The following PTPRG variants were observed in gnomAD, a reference collection of about 807,000 sequenced individuals.
PTPRG encodes the protein receptor-type tyrosine-protein phosphatase gamma.
PTPRG carries 102 observed loss-of-function variants against 165.3 expected under a neutral mutation model. That is an observed-to-expected ratio of 0.62 (90% CI 0.53 to 0.73). The LOEUF is 0.73. PTPRG is among the 30% of genes least tolerant of loss of function. The pLI, the probability that PTPRG is intolerant of heterozygous loss-of-function variation, is 0.00. For missense variants in PTPRG, 1,866 were observed against 1,861.4 expected, an observed-to-expected ratio of 1.00 and a Z score of -0.05; for synonymous variants, 675 against 669.5, an observed-to-expected ratio of 1.01 and a Z score of -0.13.
intron 1 of PTPRG, among the ~76,000 whole-genome samples, chr3:61,598,757 A>G (rs1393759808): frequency 6.6e-6 from 1 of 152,082 alleles, no homozygotes; most frequent in Non-Finnish European, 1.5e-5. Context: ...GTGTAGGCAG[A>G]GTTGGTTCCT....
intron 2 of PTPRG, among the ~76,000 whole-genome samples, chr3:61,816,672 A>G (rs1456132001): frequency 6.6e-6 from 1 of 152,038 alleles, no homozygotes; most frequent in Non-Finnish European, 1.5e-5. Context: ...ATGTATTCAA[A>G]TTGTTTATGG....
intron 5 of PTPRG, among the ~76,000 whole-genome samples, chr3:62,106,336 C>G (rs1432079944): frequency 1.3e-5 from 2 of 152,120 alleles, no homozygotes; most frequent in Non-Finnish European, 2.9e-5. Flanking sequence ...ACACCATACA[C>G]TAAGCAGGGC....
intron 2 of PTPRG, among the ~76,000 whole-genome samples, chr3:61,894,977 C>T (rs545685467): frequency 6.6e-6 from 1 of 152,242 alleles, no homozygotes; most frequent in Non-Finnish European, 1.5e-5. Flanking sequence ...GTATCTTGTA[C>T]ATTGTGGAAT....
intron 8 of PTPRG, among the ~76,000 whole-genome samples, chr3:62,187,056 T>C (rs1699676312): frequency 6.6e-6 from 1 of 152,222 alleles, no homozygotes; most frequent in South Asian, 2.1e-4. Context: ...CAAGTATTGA[T>C]TGAGAGCCCA....
rs1213634686 is a variant in PTPRG at position 62,233,700 on chromosome 3, A to T, written c.2375+2389A>T. 1.3e-5 allele frequency among the ~76,000 whole-genome samples: 2 copies of T among 152,118 alleles called. No individual in the cohort carries two copies. The highest frequency in any genetic ancestry group is 4.1e-4 in the South Asian group (2 of 4,828). On this transcript the variant is annotated intron_variant, in intron 14 of 29. Transcript: ENST00000474889. The surrounding 1 kb of genome is among the most constrained non-coding windows in gnomAD (Gnocchi z 4.7). Reference sequence around the variant, plus strand: ...GTGGCATTACTCTTCTGCCCCTGTCATCTCCCTGTCCCACAGCAGGAAGGA... The same window carrying T: ...GTGGCATTACTCTTCTGCCCCTGTCTTCTCCCTGTCCCACAGCAGGAAGGA...
chr3:61,835,675 G>A (rs1164974287), intron 2 of PTPRG, among the ~76,000 whole-genome samples: 1 of 152,018 alleles, frequency 6.6e-6, no homozygotes, highest in Non-Finnish European at 1.5e-5. Context: ...CTTGTTGGTA[G>A]TCTGAAGTGT....
At chr3:61,752,210 A>C (rs2033460633) in intron 2 of PTPRG, among the ~76,000 whole-genome samples, 1 of 152,134 alleles carries the variant, frequency 6.6e-6, no homozygotes, top group African/African-American at 2.4e-5. Context: ...AGGGGTGCTT[A>C]GTTGGGATTT....
intron 2 of PTPRG, among the ~76,000 whole-genome samples, chr3:61,963,509 G>C (rs907603294): frequency 6.6e-6 from 1 of 152,130 alleles, no homozygotes; most frequent in African/African-American, 2.4e-5. Context: ...GCTAGAAAGA[G>C]AAAATATTTA....
At chr3:62,055,763 T>A (rs1203782807) in intron 4 of PTPRG, among the ~76,000 whole-genome samples, 1 of 152,204 alleles carries the variant, frequency 6.6e-6, no homozygotes, top group East Asian at 1.9e-4. Context: ...ATCACTTGCC[T>A]TCATCTTTGT....
intron 1 of PTPRG, among the ~76,000 whole-genome samples, chr3:61,613,610 G>C (rs981547468): frequency 6.6e-6 from 1 of 152,200 alleles, no homozygotes; most frequent in African/African-American, 2.4e-5. Flanking sequence ...GTGTGGGAGA[G>C]ATTCTCTTTG....
At chr3:61,928,091 T>C (rs553557675) in intron 2 of PTPRG, among the ~76,000 whole-genome samples, 2 of 152,316 alleles carry the variant, frequency 1.3e-5, no homozygotes, top group South Asian at 4.1e-4. Flanking sequence ...ACTATTTCTC[T>C]TCTGCTATAA....
intron 1 of PTPRG, among the ~76,000 whole-genome samples, chr3:61,683,261 C>T (rs1364751259): frequency 6.6e-6 from 1 of 152,222 alleles, no homozygotes; most frequent in Non-Finnish European, 1.5e-5. Context: ...CAGTCCCAAC[C>T]TGGAAACTCT....
At chr3:61,924,401 G>T (rs146443638) in intron 2 of PTPRG, among the ~76,000 whole-genome samples, 96 of 152,322 alleles carry the variant, frequency 6.3e-4, no homozygotes, top group African/African-American at 1.9e-3. Context: ...TTAACAGGAG[G>T]TTATATTAAG....
chr3:62,291,697 T>C (rs968371385), intron 28 of PTPRG, among the ~76,000 whole-genome samples: 10 of 152,182 alleles, frequency 6.6e-5, no homozygotes, highest in Non-Finnish European at 1.5e-4. Flanking sequence ...AGCAACATCA[T>C]CTTGAACAAT....
intron 1 of PTPRG, among the ~76,000 whole-genome samples, chr3:61,679,126 C>G (rs1260476794): frequency 6.6e-6 from 1 of 152,196 alleles, no homozygotes; most frequent in East Asian, 1.9e-4. Flanking sequence ...GTCTGGAAAG[C>G]TTGCTGCCTC....
intron 2 of PTPRG, among the ~76,000 whole-genome samples, chr3:61,950,534 T>C (rs561857919): frequency 2.0e-5 from 3 of 152,302 alleles, no homozygotes; most frequent in South Asian, 2.1e-4. Context: ...AGAGGAACTT[T>C]AGGAGCAGCA....
intron 2 of PTPRG, among the ~76,000 whole-genome samples, chr3:61,807,683 C>A (rs979546233): frequency 2.0e-5 from 3 of 152,114 alleles, no homozygotes; most frequent in Non-Finnish European, 4.4e-5. Flanking sequence ...ATCTTGATAA[C>A]AGAATCATAA....
intron 1 of PTPRG, among the ~76,000 whole-genome samples, chr3:61,690,270 C>G (rs1258496784): frequency 6.6e-6 from 1 of 152,206 alleles, no homozygotes; most frequent in African/African-American, 2.4e-5. Flanking sequence ...TTCAAGGCCA[C>G]TAAGCCCAGG....
intron 2 of PTPRG, among the ~76,000 whole-genome samples, chr3:61,949,161 G>A (rs79600167): frequency 0.016 from 2,497 of 151,524 alleles, 50 homozygotes; most frequent in South Asian, 0.077. Flanking sequence ...ATGACCTGAT[G>A]GCTTAAAAAA....
Sources: gnomAD v4.1 joint callset for allele counts (sites outside exome capture counted in the v4.1 genomes callset) on GRCh38, gnomAD v4.1.1 for gene constraint, Gnocchi (gnomAD v3.1) non-coding constraint, MANE v1.5 for transcripts, NCBI Gene and HGNC (gene_info 2026-07-23, HGNC 2026-07-21) for gene names.